The following ZNF804B variants were observed in gnomAD, a reference collection of about 807,000 sequenced individuals.
The protein encoded by ZNF804B is zinc finger protein 804B.
In ZNF804B, 80 loss-of-function variants were observed where a neutral mutation model predicts 101.4. That is an observed-to-expected ratio of 0.79 (90% CI 0.66 to 0.95). The LOEUF (loss-of-function observed/expected upper bound fraction) is 0.95. Among genes scored for constraint, ZNF804B ranks in the 40% least tolerant of loss-of-function variants. The pLI is 0.00. For synonymous variants in ZNF804B, 622 were observed against 558.8 expected (o/e 1.11, Z -1.59); for missense variants, 1,673 against 1,561.9 (o/e 1.07, Z -1.20).
At chr7:88,942,748 A>G (rs562873209) in intron 1 of ZNF804B, among the ~76,000 whole-genome samples, 60 of 151,808 alleles carry the variant, frequency 4.0e-4, no homozygotes, top group Admixed American at 1.4e-3. Context: ...TAGTCTTGGG[A>G]CCTTATATAT....
intron 1 of ZNF804B, among the ~76,000 whole-genome samples, chr7:88,806,616 GGTGTGT>G (rs145554500): frequency 6.7e-6 from 1 of 149,004 alleles, no homozygotes; most frequent in Non-Finnish European, 1.5e-5. Context: ...TCATTTGAGG[GGTGTGT>G]GTGTGTGTGT....
intron 1 of ZNF804B, among the ~76,000 whole-genome samples, chr7:89,112,317 A>G (rs1790230563): frequency 6.6e-6 from 1 of 152,134 alleles, no homozygotes; most frequent in Non-Finnish European, 1.5e-5. Context: ...GTCAGTGGCT[A>G]GGTTCATTTT....
intron 1 of ZNF804B, among the ~76,000 whole-genome samples, chr7:89,095,978 C>T (rs564722637): frequency 1.2e-4 from 18 of 151,648 alleles, no homozygotes; most frequent in African/African-American, 4.1e-4. Context: ...GGTGAAACCC[C>T]GTCTCTACTA....
At chr7:89,098,278 T>A in intron 1 of ZNF804B, among the ~76,000 whole-genome samples, 1 of 151,768 alleles carries the variant, frequency 6.6e-6, no homozygotes, top group East Asian at 1.9e-4. Flanking sequence ...CATAATTTTT[T>A]TTTTTTTTTT....
At chr7:88,949,181 C>T (rs1163730005) in intron 1 of ZNF804B, among the ~76,000 whole-genome samples, 1 of 151,632 alleles carries the variant, frequency 6.6e-6, no homozygotes, top group Non-Finnish European at 1.5e-5. Flanking sequence ...CAATCTTGTT[C>T]TTTTTCAAAA....
chr7:88,857,039 G>C (rs890732574), intron 1 of ZNF804B, among the ~76,000 whole-genome samples: 10 of 151,994 alleles, frequency 6.6e-5, no homozygotes, highest in Admixed American at 5.9e-4. Flanking sequence ...TTGCATCCAT[G>C]TTCATCAGGG....
chr7:88,895,078 AT>A (rs1562825278), intron 1 of ZNF804B, among the ~76,000 whole-genome samples: 1 of 152,148 alleles, frequency 6.6e-6, no homozygotes, highest in African/African-American at 2.4e-5. Flanking sequence ...GGGGGTATAG[AT>A]TTTTTTATTT....
intron 1 of ZNF804B, among the ~76,000 whole-genome samples, chr7:88,811,785 A>G (rs1227950706): frequency 6.6e-6 from 1 of 152,150 alleles, no homozygotes; most frequent in Admixed American, 6.6e-5. Context: ...GAACATATAG[A>G]CATAGGAAGG....
intron 1 of ZNF804B, among the ~76,000 whole-genome samples, chr7:89,001,128 G>A (rs927540563): frequency 2.0e-5 from 3 of 147,960 alleles, no homozygotes; most frequent in Admixed American, 6.8e-5. Flanking sequence ...GAACTCTATT[G>A]TACAACATGG....
chr7:88,896,366 A>G (rs1311332246), intron 1 of ZNF804B, among the ~76,000 whole-genome samples: 2 of 152,198 alleles, frequency 1.3e-5, no homozygotes, highest in East Asian at 1.9e-4. Context: ...TTGTGAATGT[A>G]AACTATTCTA....
intron 1 of ZNF804B, among the ~76,000 whole-genome samples, chr7:89,197,624 A>G (rs977974013): frequency 6.6e-6 from 1 of 151,884 alleles, no homozygotes; most frequent in Non-Finnish European, 1.5e-5. Flanking sequence ...TGAAATTTTA[A>G]TTATGAGAAA....
chr7:89,312,799 G>A (rs1179351102), intron 2 of ZNF804B, among the ~76,000 whole-genome samples: 1 of 147,256 alleles, frequency 6.8e-6, no homozygotes, highest in Non-Finnish European at 1.5e-5. Context: ...GGGTAACATA[G>A]CAACACCTTA....
intron 1 of ZNF804B, among the ~76,000 whole-genome samples, chr7:88,799,398 TAA>T (rs370228141): frequency 0.041 from 6,191 of 152,078 alleles, 153 homozygotes; most frequent in Non-Finnish European, 0.053. Context: ...TGCACACAAT[TAA>T]AATCTTCTCT....
chr7:88,933,110 T>C (rs1040799633), intron 1 of ZNF804B, among the ~76,000 whole-genome samples: 1 of 151,612 alleles, frequency 6.6e-6, no homozygotes, highest in Non-Finnish European at 1.5e-5. Context: ...ATCAAGTGGG[T>C]TTTATACCAG....
chr7:88,775,810 T>C (rs148847916), intron 1 of ZNF804B, among the ~76,000 whole-genome samples: 6 of 152,314 alleles, frequency 3.9e-5, no homozygotes, highest in African/African-American at 1.4e-4. Context: ...TGACAAAGCT[T>C]GTCTCTTTCT....
intron 1 of ZNF804B, among the ~76,000 whole-genome samples, chr7:89,033,670 A>G (rs1015948677): frequency 6.6e-6 from 1 of 152,172 alleles, no homozygotes; most frequent in African/African-American, 2.4e-5. Flanking sequence ...TAAAAAAAAA[A>G]TTATGTAAAT....
chr7:89,148,585 G>A (rs896969119), intron 1 of ZNF804B, among the ~76,000 whole-genome samples: 1 of 151,976 alleles, frequency 6.6e-6, no homozygotes, highest in Non-Finnish European at 1.5e-5. Context: ...ATTAATACAA[G>A]TAGTTGAACA....
intron 1 of ZNF804B, among the ~76,000 whole-genome samples, chr7:88,880,682 G>A (rs1034097712): frequency 6.6e-6 from 1 of 151,998 alleles, no homozygotes; most frequent in Non-Finnish European, 1.5e-5. Context: ...AAGACACTGG[G>A]CAGGAGCAAT....
chr7:88,937,838 G>A (rs901990168), intron 1 of ZNF804B, among the ~76,000 whole-genome samples: 1 of 151,886 alleles, frequency 6.6e-6, no homozygotes, highest in Non-Finnish European at 1.5e-5. Context: ...TTAAAACAAA[G>A]AAAAAACTTT....
Sources: allele counts gnomAD v4.1 joint callset (sites outside exome capture counted in the v4.1 genomes callset), GRCh38; gene constraint gnomAD v4.1.1; transcripts MANE v1.5; gene names NCBI Gene and HGNC (gene_info 2026-07-23, HGNC 2026-07-21).